SLCO3A1: variants seen among roughly 807,000 people sequenced by gnomAD.
SLCO3A1 encodes the protein PGE1 transporter.
In SLCO3A1, 27 loss-of-function variants were observed where a neutral mutation model predicts 63.1. That is an observed-to-expected ratio of 0.43 (90% CI 0.32 to 0.59). The LOEUF (loss-of-function observed/expected upper bound fraction) is 0.59. SLCO3A1 is among the 20% of genes least tolerant of loss of function. SLCO3A1 has a pLI of 0.09. For synonymous variants in SLCO3A1, 473 were observed against 409.9 expected (o/e 1.15, Z -1.86); for missense variants, 773 against 945.8 (o/e 0.82, Z 2.40).
Position 91,865,212 on chromosome 15 carries a change from G to A in SLCO3A1, c.180+11124G>A, listed in dbSNP as rs1256776009. Among the ~76,000 whole-genome samples the A allele has an allele frequency of 6.6e-6, 1 of 152,212 alleles. No individual in the cohort carries two copies. The highest frequency in any genetic ancestry group is 1.5e-5 in the Non-Finnish European group (1 of 68,042). On this transcript the variant is annotated intron_variant, in intron 1 of 9. Transcript: ENST00000318445. The surrounding 1 kb of genome is among the most constrained non-coding windows in gnomAD (Gnocchi z 4.6). The stretch of plus-strand genomic sequence containing the variant: ...CTTTATTTGGGAACAGGAATAAGTG[G>A]GGACTTGACATTTTATTTAAACTTT...
Position 92,147,447 on chromosome 15 carries a change from C to T in SLCO3A1, c.1688+288C>T, listed in dbSNP as rs74028830. On this transcript the variant is annotated intron_variant, in intron 8 of 9. Coordinates refer to ENST00000318445, the MANE Select transcript of SLCO3A1 (RefSeq NM_013272.4). ...GGATCCTGCATTGAGCCTTACAGGA[C>T]GCAGCCTCGTTGGAGGAAAATGAAA... is the stretch of plus-strand genomic sequence containing the variant. 7.3e-3 allele frequency among the ~76,000 whole-genome samples: 1,116 copies of T among 152,160 alleles called. 18 individuals carry two copies. The highest frequency in any genetic ancestry group is 0.026 in the African/African-American group (1,070 of 41,474).
At chr15:92,067,372 C>T (rs947549211) in intron 2 of SLCO3A1, among the ~76,000 whole-genome samples, 9 of 152,134 alleles carry the variant, frequency 5.9e-5, no homozygotes, top group Admixed American at 1.3e-4. Context: ...TCAGCCCTCA[C>T]GTAGGTCATG....
At chr15:92,103,108 C>T (rs935108496) in intron 3 of SLCO3A1, among the ~76,000 whole-genome samples, 8 of 152,162 alleles carry the variant, frequency 5.3e-5, no homozygotes, top group African/African-American at 1.9e-4. Context: ...TCAGGGAGAA[C>T]ATTTTATGAG....
At position 91,972,964 on chromosome 15, in the gene SLCO3A1, T is replaced by C. The variant is rs567283061; in HGVS notation, c.646+56506T>C. On this transcript the variant is annotated intron_variant, in intron 2 of 9. Coordinates refer to ENST00000318445, the MANE Select transcript of SLCO3A1 (RefSeq NM_013272.4). ...AGTGAAGCCCCGTCTCTACTAAATA[T>C]ACAAAAATCAGCTAAGCATGGTGGC... is the stretch of plus-strand genomic sequence containing the variant. Among the ~76,000 whole-genome samples the C allele has an allele frequency of 5.9e-5, 9 of 152,264 alleles. No homozygotes were observed. The South Asian group carries it at 8.3e-4, about 14-fold the overall frequency.
intron 2 of SLCO3A1, among the ~76,000 whole-genome samples, chr15:92,066,518 T>C (rs1232216707): frequency 4.6e-5 from 7 of 152,184 alleles, no homozygotes. Context: ...ACAAGACATA[T>C]CTGGTTTATT....
At chr15:92,149,480 A>C (rs1051264257) in intron 8 of SLCO3A1, 3 of 152,422 alleles carry the variant, frequency 2.0e-5, no homozygotes, top group African/African-American at 7.2e-5. Context: ...GGACCATCCC[A>C]ACAACAGTGC....
chr15:92,099,095 A>G (rs939773679), intron 3 of SLCO3A1, among the ~76,000 whole-genome samples: 3 of 152,228 alleles, frequency 2.0e-5, no homozygotes, highest in African/African-American at 2.4e-5. Flanking sequence ...TAGCCTCACC[A>G]GCACATCCAT....
At chr15:92,069,894 C>T (rs1010143377) in intron 2 of SLCO3A1, among the ~76,000 whole-genome samples, 2 of 152,022 alleles carry the variant, frequency 1.3e-5, no homozygotes, top group South Asian at 2.1e-4. Context: ...AAAAATAAAA[C>T]GGGAAATAGT....
At chr15:91,989,449 T>C (rs953347195) in intron 2 of SLCO3A1, among the ~76,000 whole-genome samples, 13 of 152,180 alleles carry the variant, frequency 8.5e-5, no homozygotes, top group African/African-American at 2.9e-4. Flanking sequence ...CCGTAGTAAA[T>C]ATGGATTGCG....
At chr15:92,064,021 T>G (rs2047118737) in intron 2 of SLCO3A1, among the ~76,000 whole-genome samples, 1 of 152,228 alleles carries the variant, frequency 6.6e-6, no homozygotes, top group Non-Finnish European at 1.5e-5. Context: ...ATGTGTTTAC[T>G]CTGAGGTTAT....
chr15:91,931,686 G>A (rs1470275854), intron 2 of SLCO3A1, among the ~76,000 whole-genome samples: 1 of 151,834 alleles, frequency 6.6e-6, no homozygotes, highest in African/African-American at 2.4e-5. Context: ...GGTCAGGCTG[G>A]TCTCCAGCTC....
chr15:92,085,289 G>A (rs1260420804), intron 2 of SLCO3A1, among the ~76,000 whole-genome samples: 1 of 152,220 alleles, frequency 6.6e-6, no homozygotes, highest in Non-Finnish European at 1.5e-5. Flanking sequence ...GCATCTGAAT[G>A]GACTCCTCGA....
chr15:92,162,545 G>T (rs1263031700), intron 9 of SLCO3A1: 5 of 684,120 alleles, frequency 7.3e-6, no homozygotes, highest in Non-Finnish European at 9.2e-6. Context: ...AACTAAGGCA[G>T]GAGGGCTTAA....
In SLCO3A1 at chr15:91,862,460, C is replaced by T. The variant is rs1038682813; in HGVS notation, c.180+8372C>T. On this transcript the variant is annotated intron_variant, in intron 1 of 9. Transcript: ENST00000318445. This position sits in a 1 kb window ranked among gnomAD's most constrained non-coding sequence, Gnocchi z 4.0. ...CTTTGCCCTCTGAAAATTCTGGGAA[C>T]AGGCTGTGCCCATAAACCCATCCCA... Among the ~76,000 whole-genome samples the T allele has an allele frequency of 3.3e-5, 5 of 152,136 alleles. No homozygotes were observed. The highest frequency in any genetic ancestry group is 5.9e-5 in the Non-Finnish European group (4 of 68,036).
In SLCO3A1 at chr15:91,885,626, G is replaced by GC. The variant is rs151075277; in HGVS notation, c.181-30364dup. 0.079 allele frequency among the ~76,000 whole-genome samples: 12,044 copies of GC among 152,222 alleles called. 547 individuals are homozygous for GC. The highest frequency in any genetic ancestry group is 0.1 in the Non-Finnish European group (6,791 of 67,996). ...TACAATATCAACCCTTAAACTGATG[G>GC]CCCTTGAACAAGTGCATCATTCTCT... On this transcript the variant is annotated intron_variant, in intron 1 of 9. Coordinates refer to ENST00000318445, the MANE Select transcript of SLCO3A1 (RefSeq NM_013272.4). The surrounding 1 kb of genome is among the most constrained non-coding windows in gnomAD (Gnocchi z 4.7).
At chr15:92,077,776 C>T (rs558500195) in intron 2 of SLCO3A1, among the ~76,000 whole-genome samples, 33 of 152,248 alleles carry the variant, frequency 2.2e-4, no homozygotes, top group African/African-American at 5.5e-4. Context: ...ACTCTGCAGG[C>T]GCTGGTTCCT....
chr15:91,899,069 C>T (rs1898083229), intron 1 of SLCO3A1, among the ~76,000 whole-genome samples: 2 of 152,170 alleles, frequency 1.3e-5, no homozygotes, highest in African/African-American at 2.4e-5. Context: ...AGAGAGTCAT[C>T]AATGAGGTTT....
intron 2 of SLCO3A1, among the ~76,000 whole-genome samples, chr15:92,041,443 C>T (rs2046795216): frequency 6.6e-6 from 1 of 152,134 alleles, no homozygotes; most frequent in Non-Finnish European, 1.5e-5. Flanking sequence ...TCTAAGAAAT[C>T]AGCTAATATA....
chr15:91,854,109 C>G lies in SLCO3A1; in HGVS notation c.180+21C>G, dbSNP rs1400298102. 1 of 1,459,750 alleles carries G rather than the reference C, an allele frequency of 6.9e-7. No individual in the cohort carries two copies. The highest frequency in any genetic ancestry group is 1.5e-5 in the African/African-American group (1 of 68,320). The allele number at this position is 1,459,750 out of a possible 1,614,324, so 90.4% of individuals were successfully genotyped here. A position where few individuals can be genotyped will look rare whatever the true frequency, so the allele number is the denominator to read the frequency against. Reference sequence around the variant, plus strand: ...ACCTGGTGAGTCCCCGAGCCAACTCCGCCGCGGGCCCCTTCCCCAGCCCGG... The same window carrying G: ...ACCTGGTGAGTCCCCGAGCCAACTCGGCCGCGGGCCCCTTCCCCAGCCCGG... On this transcript the variant is annotated intron_variant, in intron 1 of 9. Coordinates refer to ENST00000318445, the MANE Select transcript of SLCO3A1 (RefSeq NM_013272.4). This position sits in a 1 kb window ranked among gnomAD's most constrained non-coding sequence, Gnocchi z 6.4.
Sources: allele counts gnomAD v4.1 joint callset (sites outside exome capture counted in the v4.1 genomes callset), GRCh38; gene constraint gnomAD v4.1.1; non-coding constraint Gnocchi (gnomAD v3.1); transcripts MANE v1.5; gene names NCBI Gene and HGNC (gene_info 2026-07-23, HGNC 2026-07-21).